The following FOXN1 variants were observed in gnomAD, a reference collection of about 807,000 sequenced individuals.
FOXN1 encodes forkhead box N1, also known as forkhead box protein N1.
Under a neutral mutation model 49.0 loss-of-function variants are expected in FOXN1, and 15 were observed. The observed-to-expected ratio is 0.31, with a 90% CI of 0.20 to 0.47. The LOEUF is 0.47. Among genes scored for constraint, FOXN1 ranks in the 20% least tolerant of loss-of-function variants. The probability of loss-of-function intolerance (pLI) is 1.00; values close to 1 mark genes in which losing one functional copy is unlikely to be tolerated. For missense variants in FOXN1, 800 were observed against 842.8 expected, an observed-to-expected ratio of 0.95 and a Z score of 0.63; for synonymous variants, 356 against 369.0, an observed-to-expected ratio of 0.96 and a Z score of 0.40.
rs572837642 is a variant in FOXN1, at chr17:28,537,493, C to T, written c.*57C>T. 284 of 1,378,562 alleles carry T rather than the reference C, an allele frequency of 2.1e-4. No individual in the cohort carries two copies. In the African/African-American group the frequency reaches 2.5e-3, roughly 12 times the overall value. 85.4% of individuals were successfully genotyped at this position (1,378,562 alleles called of 1,614,324 possible). A position where few individuals can be genotyped will look rare whatever the true frequency, so the allele number is the denominator to read the frequency against. ...GCCTGGTCTGGAAGTCCTGGCCGGC[C>T]GCCCACATCGGGCTCACCTTAAAGG... On this transcript the variant is annotated 3_prime_UTR_variant, in exon 9 of 9. Coordinates refer to ENST00000579795, the MANE Select transcript of FOXN1 (RefSeq NM_001369369.1).
Position 28,534,277 on chromosome 17 carries a change from C to A in FOXN1, c.928-54C>A. The A allele has an allele frequency of 6.2e-7, 1 of 1,613,222 alleles. No individual in the cohort carries two copies. The highest frequency in any genetic ancestry group is 8.5e-7 in the Non-Finnish European group (1 of 1,179,932). ...GTGTTCTAGAACCCAGACCTGAAGC[C>A]CGCTCTGGCTTCCTGAGCCTGGCCT... On this transcript the variant is annotated intron_variant, in intron 6 of 8. Coordinates refer to ENST00000579795, the MANE Select transcript of FOXN1 (RefSeq NM_001369369.1). The surrounding 1 kb of genome is among the most constrained non-coding windows in gnomAD (Gnocchi z 4.1).
At chr17:28,526,288 C>T (rs915504155) in intron 3 of FOXN1, among the ~76,000 whole-genome samples, 1 of 152,202 alleles carries the variant, frequency 6.6e-6, no homozygotes, top group Non-Finnish European at 1.5e-5. Context: ...CTTCTAGGCC[C>T]GAGATTCTAT....
rs2070137999 is a variant in FOXN1, at chr17:28,538,799, C to T, written c.*1363C>T. On this transcript the variant is annotated 3_prime_UTR_variant, in exon 9 of 9. Coordinates refer to ENST00000579795, the MANE Select transcript of FOXN1 (RefSeq NM_001369369.1). ...GGCCTGGGGGTGACAAGAACTTCCACAGGTTGGCCCCAGGCTTATAGGAGG... is the reference window on the plus strand; with the variant it reads ...GGCCTGGGGGTGACAAGAACTTCCATAGGTTGGCCCCAGGCTTATAGGAGG... The T allele has an allele frequency of 6.6e-6, 1 of 152,264 alleles. No individual in the cohort carries two copies. Among genetic ancestry groups the T allele is most frequent in the African/African-American group, 2.4e-5 (1 of 41,462 alleles). The allele number at this position is 152,264 out of a possible 1,614,324, so 9.4% of individuals were successfully genotyped here.
At chr17:28,513,281 A>G (rs2069429367) in intron 1 of FOXN1, among the ~76,000 whole-genome samples, 1 of 151,990 alleles carries the variant, frequency 6.6e-6, no homozygotes, top group African/African-American at 2.4e-5. Flanking sequence ...ACAAACAAAC[A>G]AAAAAAACCA....
chr17:28,537,035 G>T, intron 8 of FOXN1, 82 bp from the exon 9 acceptor site: 1 of 1,056,274 alleles, frequency 9.5e-7, no homozygotes, highest in Non-Finnish European at 1.5e-6. Flanking sequence ...TCTGCAGCAT[G>T]TGAAGATTGA....
rs141344116 is a variant in FOXN1, at chr17:28,528,990, A to G, written c.700-104A>G. The G allele has an allele frequency of 9.8e-5, 145 of 1,479,886 alleles. No homozygotes were observed. The African/African-American group carries it at 1.5e-3, about 15-fold the overall frequency. The allele number at this position is 1,479,886 out of a possible 1,614,324, so 91.7% of individuals were successfully genotyped here. ...GGGGCCCATGACCCAGGAGGGAAGA[A>G]TCTGGCCTGAGCCCCTTCTCTGGAT... On this transcript the variant is annotated intron_variant, in intron 4 of 8. Transcript: ENST00000579795.
chr17:28,511,139 G>T (rs2069388168), intron 1 of FOXN1, among the ~76,000 whole-genome samples: 1 of 152,000 alleles, frequency 6.6e-6, no homozygotes, highest in Non-Finnish European at 1.5e-5. Context: ...GGGTGGGAGG[G>T]CCTCCCAGTG....
chr17:28,511,090 G>A (rs1453137313), intron 1 of FOXN1, among the ~76,000 whole-genome samples: 3 of 152,174 alleles, frequency 2.0e-5, no homozygotes, highest in Non-Finnish European at 4.4e-5. Flanking sequence ...CCCACTGGTG[G>A]GACCTCGGTT....
At chr17:28,512,248 C>G (rs1555607131) in intron 1 of FOXN1, among the ~76,000 whole-genome samples, 3 of 152,232 alleles carry the variant, frequency 2.0e-5, no homozygotes, top group Non-Finnish European at 4.4e-5. Flanking sequence ...TGGCCCTTAT[C>G]ACAGCTGGGC....
chr17:28,529,094 T>G lies in FOXN1; in HGVS notation c.700T>G (p.Tyr234Asp), dbSNP rs1158862094. 6.2e-7 allele frequency: 1 copy of G among 1,613,964 alleles called. No homozygotes were observed. The highest frequency in any genetic ancestry group is 2.2e-5 in the East Asian group (1 of 44,884). ...YCSSQPPFHQ[Y>D]SPGGGSYPIP... ...ACTCTGCCCCTTTTGACCTCCTCAG[T>G]ACTCGCCAGGTGGTGGCAGCTACCC... The change falls in exon 5 of 9, where the codon TAC (tyrosine) becomes GAC (aspartate). Residue 234 changes from tyrosine (Y) to aspartate (D), a missense_variant and splice_region_variant. Coordinates refer to ENST00000579795, the MANE Select transcript of FOXN1 (RefSeq NM_001369369.1).
chr17:28,526,031 C>T (rs570148521), intron 3 of FOXN1, among the ~76,000 whole-genome samples: 77 of 152,288 alleles, frequency 5.1e-4, no homozygotes, highest in African/African-American at 1.8e-3. Flanking sequence ...CCCACCATAC[C>T]CGTGTTGCAG....
In FOXN1 at chr17:28,538,812, G is replaced by A. The variant is rs1461894225; in HGVS notation, c.*1376G>A. The A allele has an allele frequency of 6.6e-6, 1 of 152,246 alleles. No individual in the cohort carries two copies. The highest frequency in any genetic ancestry group is 2.4e-5 in the African/African-American group (1 of 41,436). 9.4% of individuals were successfully genotyped at this position (152,246 alleles called of 1,614,324 possible). Reference sequence around the variant, plus strand: ...CAAGAACTTCCACAGGTTGGCCCCAGGCTTATAGGAGGCATAAGCAGATCC... The same window carrying A: ...CAAGAACTTCCACAGGTTGGCCCCAAGCTTATAGGAGGCATAAGCAGATCC... On this transcript the variant is annotated 3_prime_UTR_variant, in exon 9 of 9. Coordinates refer to ENST00000579795, the MANE Select transcript of FOXN1 (RefSeq NM_001369369.1).
At position 28,537,775 on chromosome 17, in the gene FOXN1, C is replaced by T. The variant is rs2151502993; in HGVS notation, c.*339C>T. The T allele has an allele frequency of 2.4e-6, 1 of 417,332 alleles. No homozygotes were observed. The highest frequency in any genetic ancestry group is 2.3e-5 in the South Asian group (1 of 42,940). The allele number at this position is 417,332 out of a possible 1,614,324, so 25.9% of individuals were successfully genotyped here. A position where few individuals can be genotyped will look rare whatever the true frequency, so the allele number is the denominator to read the frequency against. ...AATTATTCAGATGTACACCCACCCACATATCTTACAGCCAGAGGAACCAGC... is the reference window on the plus strand; with the variant it reads ...AATTATTCAGATGTACACCCACCCATATATCTTACAGCCAGAGGAACCAGC... On this transcript the variant is annotated 3_prime_UTR_variant, in exon 9 of 9. Transcript: ENST00000579795.
intron 8 of FOXN1, 91 bp downstream of exon 8, chr17:28,535,289 G>C: frequency 7.1e-7 from 1 of 1,405,818 alleles, no homozygotes; most frequent in Non-Finnish European, 9.7e-7. Context: ...CCAGACTGCA[G>C]CCTGCAAGTG....
rs143313551 is a variant in FOXN1, at chr17:28,535,119, C to T, written c.1548C>T (p.His516=). The change falls in exon 8 of 9, where the codon CAC becomes CAT. Residue 516 remains histidine (H), a synonymous_variant. Transcript: ENST00000579795. ...LAEPSPARTM[H]DTLLPDGDLG... is the part of the protein sequence containing the mutation. ...AGCCTTCCCCAGCCAGGACTATGCA[C>T]GACACCCTGCTGCCAGATGGAGACC... 2.5e-5 allele frequency: 41 copies of T among 1,608,412 alleles called. No homozygotes were observed. Among genetic ancestry groups the T allele is most frequent in the African/African-American group, 1.1e-4 (8 of 74,888 alleles).
At chr17:28,524,398 G>T in intron 2 of FOXN1, 105 bp from the exon 3 acceptor site, 2 of 1,033,008 alleles carry the variant, frequency 1.9e-6, no homozygotes, top group Non-Finnish European at 1.5e-6. Context: ...TCTTCCCAGA[G>T]CTCAGCCATA....
Position 28,534,192 on chromosome 17 carries a change from C to A in FOXN1, c.928-139C>A. ...AAGGGTACCAAGCAAGGGATGGGTG[C>A]TGAGGAGGACAACAAGCCCCAGAGT... is the stretch of plus-strand genomic sequence containing the variant. On this transcript the variant is annotated intron_variant, in intron 6 of 8. Coordinates refer to ENST00000579795, the MANE Select transcript of FOXN1 (RefSeq NM_001369369.1). The surrounding 1 kb of genome is among the most constrained non-coding windows in gnomAD (Gnocchi z 4.1). The A allele has an allele frequency of 8.2e-7, 1 of 1,224,828 alleles. No individual in the cohort carries two copies. The highest frequency in any genetic ancestry group is 1.2e-6 in the Non-Finnish European group (1 of 852,484). The allele number at this position is 1,224,828 out of a possible 1,614,324, so 75.9% of individuals were successfully genotyped here. A position where few individuals can be genotyped will look rare whatever the true frequency, so the allele number is the denominator to read the frequency against.
intron 1 of FOXN1, among the ~76,000 whole-genome samples, chr17:28,514,168 G>T (rs1192425052): frequency 6.6e-6 from 1 of 152,166 alleles, no homozygotes; most frequent in African/African-American, 2.4e-5. Context: ...GCTTCCAGAG[G>T]CACATGGGAA....
intron 4 of FOXN1, among the ~76,000 whole-genome samples, chr17:28,527,988 GA>G (rs2069812240): frequency 6.6e-6 from 1 of 152,234 alleles, no homozygotes; most frequent in South Asian, 2.1e-4. Flanking sequence ...AAGAGCCCCA[GA>G]GCAGCCAGGC....
Sources: gnomAD v4.1 joint callset for allele counts (sites outside exome capture counted in the v4.1 genomes callset) on GRCh38, gnomAD v4.1.1 for gene constraint, Gnocchi (gnomAD v3.1) non-coding constraint, MANE v1.5 for transcripts, NCBI Gene and HGNC (gene_info 2026-07-23, HGNC 2026-07-21) for gene names.